CCDC171: variants seen among roughly 807,000 people sequenced by gnomAD.
CCDC171 encodes the protein coiled-coil domain-containing protein 171.
CCDC171 carries 177 observed loss-of-function variants against 168.2 expected under a neutral mutation model. The ratio of observed to expected loss-of-function variants is 1.05; its 90% CI spans 0.93 to 1.19. CCDC171 has a LOEUF of 1.19. Ranked by LOEUF, CCDC171 falls within the 50% of genes most tolerant of loss-of-function variation. The pLI is 0.00. For synonymous variants in CCDC171, 687 were observed against 540.8 expected, an observed-to-expected ratio of 1.27 and a Z score of -3.75; for missense variants, 1,991 against 1,539.0, an observed-to-expected ratio of 1.29 and a Z score of -4.91.
chr9:15,694,256 C>T (rs200487112), intron 10 of CCDC171, among the ~76,000 whole-genome samples: 384 of 152,286 alleles, frequency 2.5e-3, no homozygotes, highest in Non-Finnish European at 4.6e-3. Flanking sequence ...AAGTTTCAGA[C>T]AGTATCTGTA....
chr9:15,628,692 G>A (rs1398162294), intron 7 of CCDC171, among the ~76,000 whole-genome samples: 3 of 152,120 alleles, frequency 2.0e-5, no homozygotes, highest in Non-Finnish European at 2.9e-5. Context: ...CTCCCAGCAC[G>A]CAGCTGGAGA....
intron 3 of CCDC171, among the ~76,000 whole-genome samples, chr9:15,979,932 T>A (rs1831742785): frequency 6.6e-6 from 1 of 152,042 alleles, no homozygotes; most frequent in Non-Finnish European, 1.5e-5. Context: ...TGGGAATTTT[T>A]TTTATTATTA....
upstream of CCDC171, among the ~76,000 whole-genome samples, chr9:16,041,540 C>T (rs1317811071): frequency 1.3e-5 from 2 of 152,080 alleles, no homozygotes; most frequent in African/African-American, 4.8e-5. Context: ...TTGATCTGAA[C>T]CAGGTGTCTG....
intron 1 of CCDC171, among the ~76,000 whole-genome samples, chr9:15,562,023 C>G (rs1378171887): frequency 6.6e-6 from 1 of 151,904 alleles, no homozygotes; most frequent in African/African-American, 2.4e-5. Context: ...AAGATGGAGT[C>G]TTACTCTGTA....
intron 6 of CCDC171, among the ~76,000 whole-genome samples, chr9:15,610,925 G>A (rs1457824409): frequency 3.3e-5 from 5 of 152,066 alleles, no homozygotes; most frequent in African/African-American, 1.2e-4. Flanking sequence ...CATGAGAAGT[G>A]ATATATTTTG....
At chr9:15,966,161 A>T (rs1388154182) in intron 25 of CCDC171, among the ~76,000 whole-genome samples, 1 of 152,236 alleles carries the variant, frequency 6.6e-6, no homozygotes, top group Non-Finnish European at 1.5e-5. Flanking sequence ...ATGCTCATGA[A>T]GGAATGTAAA....
chr9:15,879,675 G>T (rs1049499399), intron 24 of CCDC171, among the ~76,000 whole-genome samples: 1 of 152,020 alleles, frequency 6.6e-6, no homozygotes, highest in East Asian at 1.9e-4. Flanking sequence ...TGCCTGAGTT[G>T]TGCTCTGCTA....
At chr9:16,067,238 T>C in the CCDC171 span, among the ~76,000 whole-genome samples, 2 of 152,028 alleles carry the variant, frequency 1.3e-5, no homozygotes, top group Admixed American at 6.6e-5. Context: ...TTTCATGTGT[T>C]TTTTGGCTGT....
intron 11 of CCDC171, among the ~76,000 whole-genome samples, chr9:15,714,117 C>A (rs1485804542): frequency 6.6e-6 from 1 of 152,160 alleles, no homozygotes; most frequent in Non-Finnish European, 1.5e-5. Context: ...CATCTGTATT[C>A]TGCAGCGGCT....
At chr9:15,580,656 C>T (rs1394752000) in intron 4 of CCDC171, among the ~76,000 whole-genome samples, 1 of 152,048 alleles carries the variant, frequency 6.6e-6, no homozygotes. Flanking sequence ...TTATCAGGGA[C>T]ATGCAAGTCA....
chr9:15,602,632 C>CTTTT (rs1050799184), intron 6 of CCDC171, among the ~76,000 whole-genome samples: 67 of 30,964 alleles, frequency 2.2e-3, no homozygotes, highest in African/African-American at 2.8e-3. Context: ...TTTCTCATTT[C>CTTTT]TTTTTTTTTT....
At chr9:15,871,064 C>A (rs1465742878) in intron 23 of CCDC171, among the ~76,000 whole-genome samples, 2 of 151,128 alleles carry the variant, frequency 1.3e-5, no homozygotes, top group African/African-American at 4.8e-5. Flanking sequence ...TTTCTGAAAG[C>A]ATGTAATAAG....
At chr9:16,099,056 C>G in the CCDC171 span, among the ~76,000 whole-genome samples, 1 of 152,194 alleles carries the variant, frequency 6.6e-6, no homozygotes, top group South Asian at 2.1e-4. Flanking sequence ...AACTGAAAAA[C>G]TGGTCAATAT....
chr9:15,897,284 C>T (rs1821032082), intron 24 of CCDC171, among the ~76,000 whole-genome samples: 1 of 151,218 alleles, frequency 6.6e-6, no homozygotes, highest in South Asian at 2.1e-4. Flanking sequence ...AGTTGTTTTC[C>T]TTTTTTCCAA....
chr9:15,792,751 T>A (rs2058332801), intron 21 of CCDC171, among the ~76,000 whole-genome samples: 2 of 152,046 alleles, frequency 1.3e-5, no homozygotes, highest in Admixed American at 1.3e-4. Flanking sequence ...AGAAATAAAA[T>A]CCTTTATAGA....
chr9:15,656,939 G>GA (rs570541363), intron 7 of CCDC171, among the ~76,000 whole-genome samples, 188 bp from the exon 8 acceptor site: 2 of 148,624 alleles, frequency 1.3e-5, no homozygotes, highest in African/African-American at 2.5e-5. Flanking sequence ...AAAGTGTAAA[G>GA]AAAAAAAAGC....
chr9:15,879,547 C>A (rs191481817), intron 24 of CCDC171, among the ~76,000 whole-genome samples: 3 of 152,094 alleles, frequency 2.0e-5, no homozygotes, highest in Non-Finnish European at 4.4e-5. Flanking sequence ...TTCTAGCTAA[C>A]TATTTTTGTA....
At chr9:15,846,616 T>C in intron 21 of CCDC171, 86 bp from the exon 22 acceptor site, 1 of 1,387,984 alleles carries the variant, frequency 7.2e-7, no homozygotes, top group Non-Finnish European at 1.0e-6. Flanking sequence ...AGTCAGTCTG[T>C]ATTCTTCTTT....
intron 21 of CCDC171, among the ~76,000 whole-genome samples, chr9:15,839,732 G>A (rs2060594876): frequency 6.6e-6 from 1 of 152,152 alleles, no homozygotes; most frequent in African/African-American, 2.4e-5. Context: ...GCACTGTTCT[G>A]TGTGTACAAG....
Sources: allele counts gnomAD v4.1 joint callset (sites outside exome capture counted in the v4.1 genomes callset), GRCh38; gene constraint gnomAD v4.1.1; transcripts MANE v1.5; gene names NCBI Gene and HGNC (gene_info 2026-07-23, HGNC 2026-07-21).